Variants in COL22A1 observed in about 807,000 individuals in gnomAD.
The protein encoded by COL22A1 is collagen alpha-1(XXII) chain.
In COL22A1, 221 loss-of-function variants were observed where a neutral mutation model predicts 248.9. The ratio of observed to expected loss-of-function variants is 0.89; its 90% CI spans 0.80 to 0.99. The LOEUF (loss-of-function observed/expected upper bound fraction) is 0.99. Among genes scored for constraint, COL22A1 ranks in the 50% least tolerant of loss-of-function variants. The pLI, the probability that COL22A1 is intolerant of heterozygous loss-of-function variation, is 0.00. For missense variants in COL22A1, 2,240 were observed against 2,179.0 expected, an observed-to-expected ratio of 1.03 and a Z score of -0.56; for synonymous variants, 891 against 793.4, an observed-to-expected ratio of 1.12 and a Z score of -2.07.
chr8:138,726,646 G>C (rs1279203755), intron 23 of COL22A1, among the ~76,000 whole-genome samples: 2 of 152,196 alleles, frequency 1.3e-5, no homozygotes, highest in African/African-American at 4.8e-5. Context: ...AGTGGGCAGA[G>C]AAGGCACCTG....
intron 1 of COL22A1, among the ~76,000 whole-genome samples, chr8:138,893,486 G>A (rs1178287652): frequency 6.6e-6 from 1 of 152,232 alleles, no homozygotes; most frequent in Non-Finnish European, 1.5e-5. Flanking sequence ...CACAGATGGT[G>A]CTTAAGCCAC....
chr8:138,775,830 A>G (rs1814396080), intron 16 of COL22A1, 136 bp downstream of exon 16: 1 of 856,912 alleles, frequency 1.2e-6, no homozygotes, highest in Non-Finnish European at 2.0e-6. Context: ...GCAAATATAC[A>G]TGTACACACA....
intron 1 of COL22A1, among the ~76,000 whole-genome samples, chr8:138,906,087 C>T (rs1814982264): frequency 6.6e-6 from 1 of 152,134 alleles, no homozygotes; most frequent in African/African-American, 2.4e-5. Context: ...AAATTACCTA[C>T]TGGCCAGGGG....
At chr8:138,718,150 G>A (rs1829590536) in intron 27 of COL22A1, among the ~76,000 whole-genome samples, 1 of 152,114 alleles carries the variant, frequency 6.6e-6, no homozygotes, top group Non-Finnish European at 1.5e-5. Flanking sequence ...TAAAAGTGTG[G>A]CTTAGTGTAA....
intron 61 of COL22A1, among the ~76,000 whole-genome samples, chr8:138,597,985 A>G (rs1000480000): frequency 6.6e-6 from 1 of 152,190 alleles, no homozygotes; most frequent in African/African-American, 2.4e-5. Flanking sequence ...TGGCAGGGAC[A>G]TGGAGGTCAT....
chr8:138,756,187 T>C (rs1465390411), intron 18 of COL22A1, among the ~76,000 whole-genome samples: 2 of 152,228 alleles, frequency 1.3e-5, no homozygotes, highest in African/African-American at 4.8e-5. Flanking sequence ...CCAGCCACTG[T>C]CTTTGCACTG....
intron 4 of COL22A1, among the ~76,000 whole-genome samples, chr8:138,839,111 A>C (rs1027921274): frequency 1.3e-5 from 2 of 152,304 alleles, no homozygotes; most frequent in African/African-American, 4.8e-5. Flanking sequence ...CTGTTTCTCC[A>C]TCCTTAAAAT....
In COL22A1 at chr8:138,736,944, A is replaced by G. The variant is rs564922340; in HGVS notation, c.2139+580T>C. Among the ~76,000 whole-genome samples the G allele has an allele frequency of 7.2e-5, 11 of 152,266 alleles. No homozygotes were observed. The South Asian group carries it at 1.9e-3, about 26-fold the overall frequency. On this transcript the variant is annotated intron_variant, in intron 23 of 64. Coordinates refer to ENST00000303045, the MANE Select transcript of COL22A1 (RefSeq NM_152888.3). The stretch of plus-strand genomic sequence containing the variant: ...CCCAAACCCAGGCCTCTTAGCTCCT[A>G]TGATAGTGGCCGCCCTTTTGGTTTT...
At chr8:138,699,756 CCTCT>C (rs935100164) in intron 32 of COL22A1, among the ~76,000 whole-genome samples, 13 of 152,230 alleles carry the variant, frequency 8.5e-5, no homozygotes, top group Non-Finnish European at 1.5e-4. Flanking sequence ...AACATCTTTG[CCTCT>C]CTCTGACTCT....
chr8:138,864,360 G>A (rs1377165290), intron 3 of COL22A1, among the ~76,000 whole-genome samples: 1 of 151,784 alleles, frequency 6.6e-6, no homozygotes, highest in Non-Finnish European at 1.5e-5. Flanking sequence ...CCTCACACAT[G>A]CAGATGAGGC....
intron 1 of COL22A1, among the ~76,000 whole-genome samples, chr8:138,884,857 G>T (rs976791838): frequency 6.6e-6 from 1 of 151,550 alleles, no homozygotes; most frequent in Non-Finnish European, 1.5e-5. Flanking sequence ...CTTCATCAAT[G>T]ACAATCTAAA....
intron 3 of COL22A1, among the ~76,000 whole-genome samples, chr8:138,871,553 A>T (rs1430268998): frequency 6.6e-6 from 1 of 152,184 alleles, no homozygotes; most frequent in East Asian, 1.9e-4. Context: ...CTAGCCCATC[A>T]CTTGATGGAC....
At chr8:138,841,024 T>C (rs938896731) in intron 4 of COL22A1, among the ~76,000 whole-genome samples, 10 of 152,176 alleles carry the variant, frequency 6.6e-5, no homozygotes, top group Admixed American at 6.5e-4. Flanking sequence ...TTTGTTCATT[T>C]GTCTGTCTGC....
intron 3 of COL22A1, among the ~76,000 whole-genome samples, chr8:138,857,870 T>C (rs1822159539): frequency 6.6e-6 from 1 of 152,172 alleles, no homozygotes; most frequent in African/African-American, 2.4e-5. Context: ...CCCGGGCACT[T>C]GGCCCAGTGC....
At chr8:138,850,077 G>T (rs1453105228) in intron 3 of COL22A1, among the ~76,000 whole-genome samples, 1 of 152,178 alleles carries the variant, frequency 6.6e-6, no homozygotes, top group East Asian at 1.9e-4. Context: ...GGGCCATGGT[G>T]TGCACCCTGT....
chr8:138,647,848 AAAAGACTGATCT>A (rs1407413337), intron 46 of COL22A1, among the ~76,000 whole-genome samples: 1 of 152,188 alleles, frequency 6.6e-6, no homozygotes, highest in Non-Finnish European at 1.5e-5. Context: ...AAAGGTCTGG[AAAAGACTGATCT>A]AAACATCTCC....
At chr8:138,766,645 G>C (rs546200181) in intron 16 of COL22A1, among the ~76,000 whole-genome samples, 1 of 152,170 alleles carries the variant, frequency 6.6e-6, no homozygotes, top group African/African-American at 2.4e-5. Flanking sequence ...GGCGCAGACA[G>C]AGACAGACGC....
chr8:138,630,324 G>A (rs1323705741), intron 50 of COL22A1, among the ~76,000 whole-genome samples: 1 of 152,126 alleles, frequency 6.6e-6, no homozygotes, highest in African/African-American at 2.4e-5. Flanking sequence ...GCACACCATA[G>A]TCCTAGGTGA....
intron 1 of COL22A1, among the ~76,000 whole-genome samples, chr8:138,901,429 T>C (rs895660633): frequency 4.5e-4 from 66 of 145,942 alleles, no homozygotes; most frequent in African/African-American, 1.6e-3. Context: ...TGCAGTGGTG[T>C]GATCACAGCT....
Sources: gnomAD v4.1 joint callset for allele counts (sites outside exome capture counted in the v4.1 genomes callset) on GRCh38, gnomAD v4.1.1 for gene constraint, MANE v1.5 for transcripts, NCBI Gene and HGNC (gene_info 2026-07-23, HGNC 2026-07-21) for gene names.